The following NAV3 variants were observed in gnomAD, a reference collection of about 807,000 sequenced individuals.
NAV3 encodes the protein pore membrane and/or filament interacting like protein 1.
Under a neutral mutation model 244.7 loss-of-function variants are expected in NAV3, and 87 were observed. The observed-to-expected ratio is 0.36, with a 90% CI of 0.30 to 0.42. The LOEUF is 0.42. NAV3 is among the 20% of genes least tolerant of loss of function. The pLI is 1.00. For missense variants in NAV3, 2,663 were observed against 2,893.3 expected, an observed-to-expected ratio of 0.92 and a Z score of 1.83; for synonymous variants, 1,126 against 1,042.2, an observed-to-expected ratio of 1.08 and a Z score of -1.55.
At chr12:77,911,279 T>C (rs1290886283) in intron 1 of NAV3, among the ~76,000 whole-genome samples, 2 of 152,110 alleles carry the variant, frequency 1.3e-5, no homozygotes, top group Non-Finnish European at 2.9e-5. Flanking sequence ...TCTTTGGAAA[T>C]TCCAGAATTC....
chr12:77,962,399 G>A (rs926254672), intron 3 of NAV3, among the ~76,000 whole-genome samples: 2 of 152,000 alleles, frequency 1.3e-5, no homozygotes, highest in Admixed American at 6.6e-5. Context: ...AGAAACTTCC[G>A]ACTTCCATTC....
At chr12:78,010,348 A>G (rs1875050323) in intron 8 of NAV3, among the ~76,000 whole-genome samples, 1 of 152,166 alleles carries the variant, frequency 6.6e-6, no homozygotes, top group South Asian at 2.1e-4. Context: ...GTTGCTAATC[A>G]TTTGATGAGA....
chr12:77,870,454 A>G (rs1880784146), intron 1 of NAV3, among the ~76,000 whole-genome samples: 1 of 152,072 alleles, frequency 6.6e-6, no homozygotes, highest in Non-Finnish European at 1.5e-5. Context: ...GGTATGCTTT[A>G]AGAGATTGAC....
rs561915561 is a variant in NAV3, at chr12:77,923,254, C to T, written c.244-17065C>T. ...AAGAAATAAAAAGCACATTTTCTAT[C>T]GCTCCAGTATTCTACCAGCTTGATT... On this transcript the variant is annotated intron_variant, in intron 1 of 39. Transcript: ENST00000397909. Among the ~76,000 whole-genome samples the T allele has an allele frequency of 6.6e-5, 10 of 152,150 alleles. No homozygotes were observed. The East Asian group carries it at 1.5e-3, about 23-fold the overall frequency.
intron 12 of NAV3, among the ~76,000 whole-genome samples, chr12:78,062,850 G>A (rs1379236152): frequency 6.6e-6 from 1 of 151,898 alleles, no homozygotes; most frequent in African/African-American, 2.4e-5. Flanking sequence ...AAATGATAAG[G>A]CTTGCAATAA....
chr12:78,023,433 G>A (rs1877485602), intron 9 of NAV3, among the ~76,000 whole-genome samples: 1 of 151,824 alleles, frequency 6.6e-6, no homozygotes, highest in Admixed American at 6.6e-5. Context: ...TAATTTAATG[G>A]GTTTATCAGA....
intron 3 of NAV3, among the ~76,000 whole-genome samples, chr12:77,948,832 G>A: frequency 1.3e-5 from 2 of 151,224 alleles, no homozygotes; most frequent in South Asian, 4.2e-4. Flanking sequence ...ACTCCTATCT[G>A]AAAAAAATCT....
intron 2 of NAV3, among the ~76,000 whole-genome samples, chr12:77,609,834 C>T (rs899280777): frequency 1.3e-5 from 2 of 151,994 alleles, no homozygotes; most frequent in African/African-American, 4.8e-5. Flanking sequence ...TGCTGCTTGA[C>T]ACTTTATTTA....
intron 9 of NAV3, among the ~76,000 whole-genome samples, chr12:78,028,142 G>T (rs1878391193): frequency 6.6e-6 from 1 of 151,984 alleles, no homozygotes; most frequent in African/African-American, 2.4e-5. Context: ...CAGAATTAAT[G>T]AAAAACAGAA....
intron 13 of NAV3, among the ~76,000 whole-genome samples, chr12:78,117,186 T>TATATAA (rs1458979052): frequency 7.4e-6 from 1 of 135,996 alleles, no homozygotes; most frequent in Non-Finnish European, 1.6e-5. Flanking sequence ...TATATATATA[T>TATATAA]ATATATATAT....
At chr12:78,197,213 C>A in intron 34 of NAV3, 34 bp from the exon 35 acceptor site, 1 of 1,468,224 alleles carries the variant, frequency 6.8e-7, no homozygotes, top group Non-Finnish European at 9.1e-7. Context: ...ATAAATTTAT[C>A]ACTGACGTAT....
chr12:77,987,133 T>G (rs1286939574), intron 5 of NAV3, among the ~76,000 whole-genome samples: 2 of 152,202 alleles, frequency 1.3e-5, no homozygotes, highest in African/African-American at 4.8e-5. Flanking sequence ...TGGTATATTT[T>G]GAAATTAGAT....
intron 2 of NAV3, among the ~76,000 whole-genome samples, chr12:77,801,899 C>T (rs921143853): frequency 1.3e-5 from 2 of 152,156 alleles, no homozygotes; most frequent in Non-Finnish European, 2.9e-5. Context: ...GCCTCCCTTT[C>T]AGTTACTAAG....
intron 1 of NAV3, among the ~76,000 whole-genome samples, chr12:77,868,616 C>T (rs4761322): frequency 1.1e-3 from 159 of 151,408 alleles, no homozygotes; most frequent in African/African-American, 3.6e-3. Context: ...ATAAGCAGGG[C>T]ATGGTGGCAC....
rs35625985 is a variant in NAV3 at position 77,960,450 on chromosome 12, TACAC to T, written c.415-5761_415-5758del. On this transcript the variant is annotated intron_variant, in intron 3 of 39. Transcript: ENST00000397909. ...TTCTGGCCAGTCATATATATATATA[TACAC>T]ACACACACACACACACATATACATA... Among the ~76,000 whole-genome samples the T allele has an allele frequency of 8.0e-3, 1,152 of 144,226 alleles. 64 individuals carry two copies. The East Asian group carries it at 0.15, about 19-fold the overall frequency. 94.6% of individuals were successfully genotyped at this position (144,226 alleles called of 152,430 possible). A position where few individuals can be genotyped will look rare whatever the true frequency, so the allele number is the denominator to read the frequency against.
rs762527287 is a variant in NAV3, at chr12:77,873,773, T to TATAA, written c.243+42070_243+42071insTAAA. Among the ~76,000 whole-genome samples, 413 of 128,612 alleles carry TATAA rather than the reference T, an allele frequency of 3.2e-3. 6 individuals are homozygous for TATAA. The highest frequency in any genetic ancestry group is 0.029 in the Middle Eastern group (5 of 174). 84.4% of individuals were successfully genotyped at this position (128,612 alleles called of 152,430 possible). On this transcript the variant is annotated intron_variant, in intron 1 of 39. Transcript: ENST00000397909. ...ATATATATATATATATATATGTATA[T>TATAA]AACAGCATATGCATTATGTGAAATT...
chr12:77,698,340 C>T (rs527705907), intron 2 of NAV3, among the ~76,000 whole-genome samples: 1 of 152,052 alleles, frequency 6.6e-6, no homozygotes, highest in Non-Finnish European at 1.5e-5. Context: ...ATTTATTTTT[C>T]TAGGGCTCAA....
intron 39 of NAV3, among the ~76,000 whole-genome samples, chr12:78,205,943 T>C (rs1190427733): frequency 6.6e-6 from 1 of 152,038 alleles, no homozygotes; most frequent in African/African-American, 2.4e-5. Context: ...TTAAAAATCA[T>C]AACCTATGGC....
At chr12:77,741,712 C>T (rs1290518325) in intron 2 of NAV3, among the ~76,000 whole-genome samples, 1 of 151,976 alleles carries the variant, frequency 6.6e-6, no homozygotes, top group African/African-American at 2.4e-5. Context: ...TATTGTTTGT[C>T]CAGTTATTTT....
Sources: allele counts gnomAD v4.1 joint callset (sites outside exome capture counted in the v4.1 genomes callset), GRCh38; gene constraint gnomAD v4.1.1; transcripts MANE v1.5; gene names NCBI Gene and HGNC (gene_info 2026-07-23, HGNC 2026-07-21).